SUCLG2: variants seen among roughly 807,000 people sequenced by gnomAD.
SUCLG2 encodes succinate--CoA ligase [GDP-forming] subunit beta, mitochondrial.
Under a neutral mutation model 47.9 loss-of-function variants are expected in SUCLG2, and 42 were observed. The observed-to-expected ratio is 0.88, with a 90% CI of 0.69 to 1.14. The LOEUF is 1.14. SUCLG2 is among the 50% of genes most tolerant of loss of function. SUCLG2 has a pLI of 0.00. For synonymous variants in SUCLG2, 195 were observed against 197.3 expected (o/e 0.99, Z 0.10); for missense variants, 571 against 525.9 (o/e 1.09, Z -0.84).
At chr3:67,591,233 A>T (rs1459598114) in intron 2 of SUCLG2, among the ~76,000 whole-genome samples, 2 of 152,244 alleles carry the variant, frequency 1.3e-5, no homozygotes, top group Non-Finnish European at 2.9e-5. Context: ...GAGCACAAAC[A>T]GCGCATACAA....
chr3:67,401,816 T>C (rs989510565), intron 9 of SUCLG2, among the ~76,000 whole-genome samples: 6 of 152,230 alleles, frequency 3.9e-5, no homozygotes, highest in African/African-American at 1.4e-4. Flanking sequence ...CATAGAATCC[T>C]ATTATTTCTG....
At chr3:67,429,304 C>A (rs898375346) in intron 9 of SUCLG2, among the ~76,000 whole-genome samples, 1 of 152,166 alleles carries the variant, frequency 6.6e-6, no homozygotes, top group Non-Finnish European at 1.5e-5. Flanking sequence ...ATTCAACATT[C>A]TTAAAGAAAA....
chr3:67,642,833 C>A (rs1186455900), intron 1 of SUCLG2, among the ~76,000 whole-genome samples: 1 of 151,868 alleles, frequency 6.6e-6, no homozygotes, highest in Non-Finnish European at 1.5e-5. Flanking sequence ...ACAGGCAAGT[C>A]CAGCAGAAAA....
At chr3:67,557,829 G>GC (rs967476999) in intron 2 of SUCLG2, among the ~76,000 whole-genome samples, 20 of 152,158 alleles carry the variant, frequency 1.3e-4, no homozygotes, top group Non-Finnish European at 2.2e-4. Flanking sequence ...TGATGCACAG[G>GC]CAAGTTTGGG....
chr3:67,370,861 A>G (rs1353138668), downstream of SUCLG2, among the ~76,000 whole-genome samples: 2 of 152,218 alleles, frequency 1.3e-5, no homozygotes, highest in Admixed American at 1.3e-4. Context: ...GCTGTATGTG[A>G]TTCCTAATAC....
At chr3:67,592,433 A>G (rs1477787090) in intron 2 of SUCLG2, among the ~76,000 whole-genome samples, 1 of 152,212 alleles carries the variant, frequency 6.6e-6, no homozygotes, top group Non-Finnish European at 1.5e-5. Flanking sequence ...GCAACTTCAA[A>G]TACAATCTCT....
intron 9 of SUCLG2, among the ~76,000 whole-genome samples, chr3:67,457,889 C>T (rs1214170069): frequency 6.6e-6 from 1 of 151,980 alleles, no homozygotes; most frequent in Non-Finnish European, 1.5e-5. Flanking sequence ...TGCATAGTCC[C>T]TTCCCTTTGG....
rs888278055 is a variant in SUCLG2 at position 67,483,347 on chromosome 3, T to G, written c.1062+12451A>C. On this transcript the variant is annotated intron_variant, in intron 9 of 10. Transcript: ENST00000307227. ...GGGGCAGATTCTTTCATTGATAGCA[T>G]TCATGTCATTACCCACAAACTCCAA... Among the ~76,000 whole-genome samples, 7 of 152,252 alleles carry G rather than the reference T, an allele frequency of 4.6e-5. No homozygotes were observed. The East Asian group carries it at 9.7e-4, about 21-fold the overall frequency.
intron 2 of SUCLG2, among the ~76,000 whole-genome samples, chr3:67,544,391 G>C (rs1394054064): frequency 6.6e-6 from 1 of 151,988 alleles, no homozygotes; most frequent in Non-Finnish European, 1.5e-5. Flanking sequence ...CATGATAGTG[G>C]GTAAGTTCTT....
rs549714635 is a variant in SUCLG2 at position 67,626,869 on chromosome 3, G to A, written c.85-17273C>T. Among the ~76,000 whole-genome samples, 7 of 125,824 alleles carry A rather than the reference G, an allele frequency of 5.6e-5. No individual in the cohort carries two copies. In the South Asian group the frequency reaches 1.2e-3, roughly 22 times the overall value. The allele number at this position is 125,824 out of a possible 152,430, so 82.5% of individuals were successfully genotyped here. A position where few individuals can be genotyped will look rare whatever the true frequency, so the allele number is the denominator to read the frequency against. ...GCGGAGCTTGCAGTGAGCCGAGATCGCACCACTGCACTCCAGCCTGGGCGA... is the reference window on the plus strand; with the variant it reads ...GCGGAGCTTGCAGTGAGCCGAGATCACACCACTGCACTCCAGCCTGGGCGA... On this transcript the variant is annotated intron_variant, in intron 1 of 10. Coordinates refer to ENST00000307227, the MANE Select transcript of SUCLG2 (RefSeq NM_003848.4).
chr3:67,647,591 T>C (rs1250120014), intron 1 of SUCLG2, among the ~76,000 whole-genome samples: 1 of 152,262 alleles, frequency 6.6e-6, no homozygotes, highest in Non-Finnish European at 1.5e-5. Context: ...ATTCTTTAAG[T>C]GTTCCCTCAC....
At chr3:67,621,503 G>C (rs7651495) in intron 1 of SUCLG2, among the ~76,000 whole-genome samples, 67,434 of 151,952 alleles carry the variant, frequency 0.44, 15,246 homozygotes, top group African/African-American at 0.49. Flanking sequence ...CCCTCCAAAA[G>C]TCATATGGCA....
intron 10 of SUCLG2, 93 bp from the exon 11 acceptor site, chr3:67,375,952 GC>G: frequency 6.7e-7 from 1 of 1,484,774 alleles, no homozygotes; most frequent in South Asian, 1.4e-5. Context: ...CCTGTCTACA[GC>G]TTTTCACTAG....
intron 2 of SUCLG2, among the ~76,000 whole-genome samples, chr3:67,581,298 G>C (rs1707872102): frequency 6.6e-6 from 1 of 152,138 alleles, no homozygotes; most frequent in South Asian, 2.1e-4. Context: ...CCAGCTATTT[G>C]TTAATACTGA....
chr3:67,613,658 T>C (rs532450880), intron 1 of SUCLG2, among the ~76,000 whole-genome samples: 2 of 152,344 alleles, frequency 1.3e-5, no homozygotes, highest in South Asian at 4.1e-4. Context: ...TCTTAGCCAC[T>C]GAAATTCTGG....
At chr3:67,520,375 T>C (rs1289277176) in intron 5 of SUCLG2, 107 bp downstream of exon 5, 1 of 1,505,504 alleles carries the variant, frequency 6.6e-7, no homozygotes, top group East Asian at 2.3e-5. Flanking sequence ...TTACCTTAAA[T>C]TGTAGAGACA....
chr3:67,415,463 G>A (rs915935911), intron 9 of SUCLG2, among the ~76,000 whole-genome samples: 2 of 152,080 alleles, frequency 1.3e-5, no homozygotes, highest in Admixed American at 1.3e-4. Context: ...ACCCTATAAG[G>A]AAGGTAACTG....
chr3:67,456,068 C>CTTT, intron 9 of SUCLG2, among the ~76,000 whole-genome samples: 1 of 151,870 alleles, frequency 6.6e-6, no homozygotes, highest in Non-Finnish European at 1.5e-5. Flanking sequence ...ATTCTTCTTT[C>CTTT]ATTAGTGGCA....
chr3:67,643,311 T>A (rs552662840), intron 1 of SUCLG2, among the ~76,000 whole-genome samples: 32 of 152,300 alleles, frequency 2.1e-4, no homozygotes, highest in Admixed American at 1.3e-4. Context: ...TTATCTTACT[T>A]GTTTTTATTA....
Sources: allele counts gnomAD v4.1 joint callset (sites outside exome capture counted in the v4.1 genomes callset), GRCh38; gene constraint gnomAD v4.1.1; transcripts MANE v1.5; gene names NCBI Gene and HGNC (gene_info 2026-07-23, HGNC 2026-07-21).